The following LOC400499 variants were observed in gnomAD, a reference collection of about 807,000 sequenced individuals.
At chr16:11,497,074 CTGTG>C in the LOC400499 span, among the ~76,000 whole-genome samples, 1 of 152,196 alleles carries the variant, frequency 6.6e-6, no homozygotes, top group East Asian at 1.9e-4. Flanking sequence ...GTGCATATCC[CTGTG>C]TGTTTGTGTG....
the LOC400499 span, among the ~76,000 whole-genome samples, chr16:11,376,480 C>G: frequency 1.3e-5 from 2 of 152,090 alleles, 1 homozygote; most frequent in Middle Eastern, 6.4e-3. Flanking sequence ...GTCTTGGCAT[C>G]CTTATTGAAA....
At chr16:11,480,560 T>C in the LOC400499 span, among the ~76,000 whole-genome samples, 1 of 152,182 alleles carries the variant, frequency 6.6e-6, no homozygotes, top group Non-Finnish European at 1.5e-5. Flanking sequence ...TTCCTACCCA[T>C]AGGATGAATA....
At chr16:11,372,677 C>G in the LOC400499 span, 1 of 874,948 alleles carries the variant, frequency 1.1e-6, no homozygotes, top group African/African-American at 1.8e-5. Flanking sequence ...GCTGGAATTG[C>G]AGTAGAAGGT....
At chr16:11,429,034 T>C in the LOC400499 span, among the ~76,000 whole-genome samples, 1 of 151,934 alleles carries the variant, frequency 6.6e-6, no homozygotes, top group African/African-American at 2.4e-5. Context: ...CTGAATAAAA[T>C]AAGAATCCAT....
At chr16:11,403,757 G>T in the LOC400499 span, among the ~76,000 whole-genome samples, 6 of 152,218 alleles carry the variant, frequency 3.9e-5, no homozygotes, top group Admixed American at 2.0e-4. Context: ...CCCTTCCAGG[G>T]ATGCCTGTTT....
chr16:11,396,742 T>C, the LOC400499 span: 63 of 1,189,176 alleles, frequency 5.3e-5, no homozygotes, highest in East Asian at 1.3e-4. Flanking sequence ...CCCAGTCCCC[T>C]GCACCGAGAA....
chr16:11,488,308 C>T, the LOC400499 span, among the ~76,000 whole-genome samples: 599 of 152,180 alleles, frequency 3.9e-3, no homozygotes, highest in Non-Finnish European at 7.1e-3. Context: ...CAGCTGAATG[C>T]CATAAAATAA....
At chr16:11,375,917 C>G in the LOC400499 span, among the ~76,000 whole-genome samples, 34 of 151,900 alleles carry the variant, frequency 2.2e-4, no homozygotes, top group African/African-American at 8.2e-4. Context: ...TTAGTAGAGA[C>G]GGGGTGAGAA....
the LOC400499 span, chr16:11,387,362 G>C: frequency 6.0e-6 from 7 of 1,172,618 alleles, no homozygotes; most frequent in Non-Finnish European, 3.2e-6. Flanking sequence ...CTGCAGAGGG[G>C]AGCTTCTAGG....
chr16:11,524,472 C>T, the LOC400499 span, among the ~76,000 whole-genome samples: 1 of 151,100 alleles, frequency 6.6e-6, no homozygotes, highest in East Asian at 2.0e-4. Context: ...CTCCAGAGTC[C>T]CCAGCCATAC....
the LOC400499 span, chr16:11,457,108 A>C: frequency 7.0e-7 from 1 of 1,430,226 alleles, no homozygotes; most frequent in Non-Finnish European, 9.2e-7. Flanking sequence ...TGTGCCCGGG[A>C]AGTTGAGGCA....
At chr16:11,392,798 G>C in the LOC400499 span, 1 of 984,122 alleles carries the variant, frequency 1.0e-6, no homozygotes, top group Non-Finnish European at 1.2e-6. Context: ...CTCACTCCCA[G>C]CAGCTGAGAC....
the LOC400499 span, among the ~76,000 whole-genome samples, chr16:11,483,386 C>T: frequency 6.6e-6 from 1 of 152,012 alleles, no homozygotes; most frequent in Non-Finnish European, 1.5e-5. Context: ...ATAGCCAAAC[C>T]CTGGAAACAG....
At chr16:11,385,171 G>T in the LOC400499 span, 1 of 1,231,346 alleles carries the variant, frequency 8.1e-7, no homozygotes, top group Non-Finnish European at 1.0e-6. Flanking sequence ...GTCTCCAGGG[G>T]AGGCTCAGTC....
chr16:11,500,890 C>T, the LOC400499 span: 1 of 399,210 alleles, frequency 2.5e-6, no homozygotes, highest in Non-Finnish European at 4.4e-6. Context: ...GCCTCCACCG[C>T]GGCTGATGCG....
At chr16:11,475,732 G>C in the LOC400499 span, 3 of 398,748 alleles carry the variant, frequency 7.5e-6, no homozygotes, top group African/African-American at 6.2e-5. Context: ...GGGGAAAGAG[G>C]ACAGTGTCAG....
At chr16:11,406,505 T>A in the LOC400499 span, among the ~76,000 whole-genome samples, 2 of 152,242 alleles carry the variant, frequency 1.3e-5, no homozygotes, top group Non-Finnish European at 2.9e-5. Flanking sequence ...CAATCTCGGC[T>A]CACTGCAACC....
chr16:11,525,293 A>C, the LOC400499 span, among the ~76,000 whole-genome samples: 36,149 of 97,928 alleles, frequency 0.37, 4,057 homozygotes, highest in East Asian at 0.55. Context: ...ACCTTGTCCC[A>C]AAAAAAAAAA....
chr16:11,452,344 T>C, the LOC400499 span, among the ~76,000 whole-genome samples: 263 of 152,236 alleles, frequency 1.7e-3, no homozygotes, highest in African/African-American at 6.2e-3. Flanking sequence ...CAGGTTCTAA[T>C]TGTCTCCCAA....
Sources: gnomAD v4.1 joint callset for allele counts (sites outside exome capture counted in the v4.1 genomes callset) on GRCh38, gnomAD v4.1.1 for gene constraint, MANE v1.5 for transcripts.